The following MCCC1 variants were observed in gnomAD, a reference collection of about 807,000 sequenced individuals.
The protein encoded by MCCC1 is methylcrotonyl-CoA carboxylase subunit 1, also known as methylcrotonoyl-CoA carboxylase subunit alpha, mitochondrial.
MCCC1 carries 64 observed loss-of-function variants against 83.8 expected under a neutral mutation model. That is an observed-to-expected ratio of 0.76 (90% CI 0.62 to 0.94). The LOEUF (loss-of-function observed/expected upper bound fraction) is 0.94. MCCC1 is among the 40% of genes least tolerant of loss of function. The pLI is 0.00. For missense variants in MCCC1, 807 were observed against 904.7 expected (o/e 0.89, Z 1.39); for synonymous variants, 322 against 315.4 (o/e 1.02, Z -0.22).
intron 3 of MCCC1, among the ~76,000 whole-genome samples, chr3:183,089,518 G>A (rs1718159573): frequency 6.6e-6 from 1 of 152,174 alleles, no homozygotes; most frequent in Non-Finnish European, 1.5e-5. Flanking sequence ...GGAGGCTGAG[G>A]TAGGAGGATT....
rs1366922432 is a variant in MCCC1 at position 183,064,401 on chromosome 3, G to C, written c.761+6598C>G. On this transcript the variant is annotated intron_variant, in intron 7 of 18. Coordinates refer to ENST00000265594, the MANE Select transcript of MCCC1 (RefSeq NM_020166.5). The surrounding 1 kb of genome is among the most constrained non-coding windows in gnomAD (Gnocchi z 4.5). ...AGGAAAATTTGCGAGGTCCGAGAGG[G>C]ACTGCAGGAAACGCCTCCCTTCCTG... Among the ~76,000 whole-genome samples the C allele has an allele frequency of 6.6e-6, 1 of 152,200 alleles. No individual in the cohort carries two copies. Among genetic ancestry groups the C allele is most frequent in the Non-Finnish European group, 1.5e-5 (1 of 68,034 alleles).
chr3:183,026,382 A>G (rs1712604425), intron 14 of MCCC1, among the ~76,000 whole-genome samples: 2 of 152,056 alleles, frequency 1.3e-5, no homozygotes, highest in South Asian at 2.1e-4. Flanking sequence ...TATTTTACGT[A>G]TTTTTCCCTC....
intron 1 of MCCC1, among the ~76,000 whole-genome samples, chr3:183,095,069 G>A (rs537713692): frequency 6.6e-6 from 1 of 152,208 alleles, no homozygotes; most frequent in South Asian, 2.1e-4. Flanking sequence ...AGATCATGAG[G>A]TCAGGAGATT....
intron 4 of MCCC1, among the ~76,000 whole-genome samples, chr3:183,077,174 CT>C (rs1560263868): frequency 6.6e-6 from 1 of 152,098 alleles, no homozygotes; most frequent in Non-Finnish European, 1.5e-5. Flanking sequence ...ACTTTTTTGG[CT>C]ACTATAAATA....
intron 10 of MCCC1, among the ~76,000 whole-genome samples, chr3:183,044,055 A>G (rs1560227097): frequency 6.6e-6 from 1 of 152,154 alleles, no homozygotes; most frequent in Non-Finnish European, 1.5e-5. Flanking sequence ...AGAACCACCA[A>G]TCACCCCCAA....
chr3:183,015,619 A>G (rs1326718272), intron 18 of MCCC1, 53 bp from the exon 19 acceptor site: 3 of 1,610,148 alleles, frequency 1.9e-6, no homozygotes, highest in African/African-American at 1.3e-5. Flanking sequence ...ATGAGGACTG[A>G]GTATACACCA....
rs778780783 is a variant in MCCC1 at position 183,037,222 on chromosome 3, T to A, written c.1590A>T (p.Ala530=). 6.2e-7 allele frequency: 1 copy of A among 1,613,412 alleles called. No homozygotes were observed. Among genetic ancestry groups the A allele is most frequent in the East Asian group, 2.2e-5 (1 of 44,876 alleles). The change falls in exon 13 of 19, where the codon GCA becomes GCT. Residue 530 remains alanine (A), a synonymous_variant. Transcript: ENST00000265594. ...KAMTDTFTLQ[A]HDQFSPFSSS... ...AAAGAGAAAAGCCTTCCATACCATG[T>A]GCCTGAAGAGTGAAAGTGTCGGTCA...
chr3:183,099,413 G>T lies in MCCC1; in HGVS notation c.28C>A (p.Leu10Met). 1 of 1,607,818 alleles carries T rather than the reference G, an allele frequency of 6.2e-7. No homozygotes were observed. The change falls in exon 1 of 19, where the codon CTG becomes ATG. Residue 10 changes from leucine (L) to methionine (M), a missense_variant. Transcript: ENST00000265594. MAAASAVSV[L>M]LVAAERNRWH... ...CGGTTCCTCTCCGCCGCCACCAGCA[G>T]CACCGACACCGCAGAGGCCGCCGCC...
At chr3:183,091,322 C>T (rs928233114) in intron 3 of MCCC1, among the ~76,000 whole-genome samples, 2 of 152,156 alleles carry the variant, frequency 1.3e-5, no homozygotes, top group Non-Finnish European at 2.9e-5. Flanking sequence ...AATCCCAGCA[C>T]TTTGGGAGGC....
intron 7 of MCCC1, among the ~76,000 whole-genome samples, chr3:183,067,015 T>A (rs1381470211): frequency 1.3e-5 from 2 of 152,256 alleles, no homozygotes; most frequent in African/African-American, 4.8e-5. Flanking sequence ...GTTATTTGCA[T>A]AAATGCAATA....
intron 14 of MCCC1, among the ~76,000 whole-genome samples, chr3:183,026,379 C>T (rs1291767775): frequency 6.6e-6 from 1 of 152,126 alleles, no homozygotes; most frequent in Admixed American, 6.6e-5. Flanking sequence ...GAATATTTTA[C>T]GTATTTTTCC....
chr3:183,050,550 A>G (rs1452595240), intron 9 of MCCC1, among the ~76,000 whole-genome samples: 1 of 151,970 alleles, frequency 6.6e-6, no homozygotes, highest in East Asian at 1.9e-4. Flanking sequence ...TAAAAATGCA[A>G]AAAAGTAGCT....
intron 13 of MCCC1, among the ~76,000 whole-genome samples, chr3:183,036,938 G>C (rs1199455851): frequency 6.6e-6 from 1 of 152,092 alleles, no homozygotes; most frequent in Non-Finnish European, 1.5e-5. Flanking sequence ...CTCCCAAAGT[G>C]CTGGGATTAC....
upstream of MCCC1, among the ~76,000 whole-genome samples, chr3:183,100,148 T>C (rs1719070498): frequency 6.6e-6 from 1 of 152,110 alleles, no homozygotes; most frequent in Non-Finnish European, 1.5e-5. Flanking sequence ...AAAATAGTTA[T>C]CTAATCAGAA....
intron 7 of MCCC1, among the ~76,000 whole-genome samples, chr3:183,061,092 C>T (rs1219598849): frequency 6.6e-6 from 1 of 152,004 alleles, no homozygotes; most frequent in Non-Finnish European, 1.5e-5. Context: ...TTGGGGATAG[C>T]GGGTTAGGTT....
chr3:183,070,124 T>C (rs771497431), intron 7 of MCCC1, among the ~76,000 whole-genome samples: 2 of 152,230 alleles, frequency 1.3e-5, no homozygotes, highest in Non-Finnish European at 2.9e-5. Context: ...ATGTGTAAAA[T>C]ATTTAAAATC....
intron 7 of MCCC1, among the ~76,000 whole-genome samples, chr3:183,061,016 A>G: frequency 6.6e-6 from 1 of 152,162 alleles, no homozygotes; most frequent in Non-Finnish European, 1.5e-5. Context: ...ACTGAAGCCA[A>G]TTCCATTCAT....
At chr3:183,031,808 CTTT>C (rs36037059) in intron 14 of MCCC1, among the ~76,000 whole-genome samples, 2 of 140,562 alleles carry the variant, frequency 1.4e-5, no homozygotes, top group Non-Finnish European at 1.5e-5. Flanking sequence ...CTTCTGGTAT[CTTT>C]TTTTTTTTTT....
At chr3:183,033,584 T>TA (rs1280423505) in intron 14 of MCCC1, among the ~76,000 whole-genome samples, 1 of 152,210 alleles carries the variant, frequency 6.6e-6, no homozygotes, top group African/African-American at 2.4e-5. Flanking sequence ...CTCTCTGACA[T>TA]AGTTTTGAAA....
Sources: allele counts gnomAD v4.1 joint callset (sites outside exome capture counted in the v4.1 genomes callset), GRCh38; gene constraint gnomAD v4.1.1; non-coding constraint Gnocchi (gnomAD v3.1); transcripts MANE v1.5; gene names NCBI Gene and HGNC (gene_info 2026-07-23, HGNC 2026-07-21).